Variants in SLC16A14 observed in about 807,000 individuals in gnomAD.
SLC16A14 encodes the protein monocarboxylate transporter 14.
Under a neutral mutation model 35.8 loss-of-function variants are expected in SLC16A14, and 14 were observed. The observed-to-expected ratio is 0.39, with a 90% CI of 0.26 to 0.61. The LOEUF is 0.61. Among genes scored for constraint, SLC16A14 ranks in the 20% least tolerant of loss-of-function variants. The pLI is 0.51. For missense variants in SLC16A14, 533 were observed against 655.0 expected (o/e 0.81, Z 2.03); for synonymous variants, 248 against 258.9 (o/e 0.96, Z 0.40).
chr2:230,050,053 T>G (rs2077646544), intron 2 of SLC16A14, 149 bp from the exon 3 acceptor site: 1 of 850,146 alleles, frequency 1.2e-6, no homozygotes, highest in South Asian at 2.0e-5. Flanking sequence ...CCAAACATTT[T>G]TAGCATGCAA....
intron 2 of SLC16A14, among the ~76,000 whole-genome samples, chr2:230,053,389 C>CT (rs1243838307): frequency 6.6e-6 from 1 of 152,174 alleles, no homozygotes; most frequent in African/African-American, 2.4e-5. Flanking sequence ...ATGACTCACA[C>CT]TTTTATAGAG....
rs1052140955 is a variant in SLC16A14 at position 230,038,250 on chromosome 2, C to T, written c.1382-719G>A. ...ATCTTATTAGACATTCTGTAAAATACCACTATATTTCATGAATTCTAAGAC... is the reference window on the plus strand; with the variant it reads ...ATCTTATTAGACATTCTGTAAAATATCACTATATTTCATGAATTCTAAGAC... On this transcript the variant is annotated intron_variant, in intron 4 of 4. Coordinates refer to ENST00000295190, the MANE Select transcript of SLC16A14 (RefSeq NM_152527.5). The surrounding 1 kb of genome is among the most constrained non-coding windows in gnomAD (Gnocchi z 4.4). Among the ~76,000 whole-genome samples, 3 of 152,110 alleles carry T rather than the reference C, an allele frequency of 2.0e-5. No homozygotes were observed. The highest frequency in any genetic ancestry group is 2.9e-5 in the Non-Finnish European group (2 of 68,018).
At chr2:230,065,976 G>A (rs1438754031) in intron 1 of SLC16A14, among the ~76,000 whole-genome samples, 1 of 152,100 alleles carries the variant, frequency 6.6e-6, no homozygotes, top group Non-Finnish European at 1.5e-5. Flanking sequence ...GTGGCACCCT[G>A]AGGCAGTGAA....
chr2:230,045,080 A>G (rs1055356667), intron 4 of SLC16A14, among the ~76,000 whole-genome samples: 3 of 152,126 alleles, frequency 2.0e-5, no homozygotes, highest in African/African-American at 7.2e-5. Context: ...TCTGGCAACA[A>G]TTCTCAGTAT....
At position 230,059,301 on chromosome 2, in the gene SLC16A14, CT is replaced by C; in HGVS notation, c.51del (p.Asp18ThrfsTer5). On this transcript the variant is annotated frameshift_variant, in exon 2 of 5. Coordinates refer to ENST00000295190, the MANE Select transcript of SLC16A14 (RefSeq NM_152527.5). LOFTEE classifies it high-confidence loss of function. ...DIGYDFEDGP[K>X]DKKTLKPHPN... The stretch of plus-strand genomic sequence containing the variant: ...GGGTGGGGCTTCAGTGTCTTTTTGT[CT>C]TTGGGGCCATCTTCAAAATCATACC... The C allele has an allele frequency of 6.2e-7, 1 of 1,611,826 alleles. No homozygotes were observed. Among genetic ancestry groups the C allele is most frequent in the Non-Finnish European group, 8.5e-7 (1 of 1,178,430 alleles).
At position 230,050,659 on chromosome 2, in the gene SLC16A14, T is replaced by C. The variant is rs563470999; in HGVS notation, c.260-755A>G. 5.3e-5 allele frequency among the ~76,000 whole-genome samples: 8 copies of C among 152,350 alleles called. No individual in the cohort carries two copies. In the East Asian group the frequency reaches 7.7e-4, roughly 15 times the overall value. On this transcript the variant is annotated intron_variant, in intron 2 of 4. Transcript: ENST00000295190. ...GATTTATATGGACGGTAGGTTATTA[T>C]GTTCACCTTCTCCTCCTATCAAAAG...
Position 230,045,679 on chromosome 2 carries a change from G to A in SLC16A14, c.1381+66C>T, listed in dbSNP as rs2077598866. ...AAATGGAAACCTTCTTCTTTATCTG[G>A]GACTTTATAACATAACGCACCATAT... On this transcript the variant is annotated intron_variant, in intron 4 of 4. Transcript: ENST00000295190. 3 of 1,555,654 alleles carry A rather than the reference G, an allele frequency of 1.9e-6. No homozygotes were observed. The African/African-American group carries it at 4.1e-5, about 21-fold the overall frequency.
intron 3 of SLC16A14, among the ~76,000 whole-genome samples, chr2:230,048,704 A>G (rs13402579): frequency 0.7 from 106,950 of 151,876 alleles, 38,185 homozygotes; most frequent in African/African-American, 0.83. Context: ...CAGGTGGATC[A>G]CCTGAGGTTG....
Position 230,045,643 on chromosome 2 carries a change from A to G in SLC16A14, c.1381+102T>C, listed in dbSNP as rs768680265. 5.3e-6 allele frequency: 7 copies of G among 1,330,482 alleles called. No individual in the cohort carries two copies. The Admixed American group carries it at 1.0e-4, about 19-fold the overall frequency. 82.4% of individuals were successfully genotyped at this position (1,330,482 alleles called of 1,614,324 possible). A position where few individuals can be genotyped will look rare whatever the true frequency, so the allele number is the denominator to read the frequency against. On this transcript the variant is annotated intron_variant, in intron 4 of 4. Coordinates refer to ENST00000295190, the MANE Select transcript of SLC16A14 (RefSeq NM_152527.5). ...AGGGCAGGAATGGGAAGATAAAAGG[A>G]AAATGTACACAAATGGAAACCTTCT...
rs1338893670 is a variant in SLC16A14, at chr2:230,045,943, T to A, written c.1183A>T (p.Ser395Cys). Residue 395 changes from serine (S) to cysteine (C), a missense_variant, in exon 4 of 5, where the codon AGT (serine) becomes TGT (cysteine). Ser to Cys is a moderately radical substitution (Grantham distance 112). Transcript: ENST00000295190. ...TGCATCAACGGCAGAATAAAAATAC[T>A]GAGGACAAGGGTGAAGTTGGCCAAC... Reference protein sequence around the residue: ...FLLANFTLVLSIFILPLMHTY... With the variant: ...FLLANFTLVLCIFILPLMHTY... The A allele has an allele frequency of 1.2e-6, 2 of 1,612,604 alleles. No individual in the cohort carries two copies. The highest frequency in any genetic ancestry group is 2.7e-5 in the African/African-American group (2 of 74,896).
At position 230,068,658 on chromosome 2, in the gene SLC16A14, T is replaced by C. The variant is rs1472237210; in HGVS notation, c.-118A>G. On this transcript the variant is annotated 5_prime_UTR_variant, in exon 1 of 5. Transcript: ENST00000295190. The surrounding 1 kb of genome is among the most constrained non-coding windows in gnomAD (Gnocchi z 5.1). ...CTGAGCTGCTGGGTGTAGAGATTTG[T>C]TGCAATGTCGCCTATCATCCTGGAG... 6.6e-6 allele frequency: 1 copy of C among 152,644 alleles called. No individual in the cohort carries two copies. The highest frequency in any genetic ancestry group is 1.9e-4 in the East Asian group (1 of 5,150). 9.5% of individuals were successfully genotyped at this position (152,644 alleles called of 1,614,324 possible). A position where few individuals can be genotyped will look rare whatever the true frequency, so the allele number is the denominator to read the frequency against.
At chr2:230,049,093 A>G (rs904447252) in intron 3 of SLC16A14, among the ~76,000 whole-genome samples, 34 of 132,254 alleles carry the variant, frequency 2.6e-4, no homozygotes, top group Admixed American at 2.1e-3. Context: ...TTATTGAGAC[A>G]GAGTCTTACT....
chr2:230,063,333 C>T (rs1431732437), intron 1 of SLC16A14, among the ~76,000 whole-genome samples: 5 of 147,882 alleles, frequency 3.4e-5, no homozygotes, highest in African/African-American at 1.2e-4. Flanking sequence ...TTCAGCCCTT[C>T]GAATTATCAT....
At chr2:230,065,253 T>TA (rs1019362551) in intron 1 of SLC16A14, among the ~76,000 whole-genome samples, 3 of 152,086 alleles carry the variant, frequency 2.0e-5, no homozygotes, top group Non-Finnish European at 2.9e-5. Flanking sequence ...TAGAATATAG[T>TA]AAAAAAGTTC....
intron 1 of SLC16A14, among the ~76,000 whole-genome samples, chr2:230,067,630 C>G (rs946369675): frequency 2.0e-5 from 3 of 151,510 alleles, no homozygotes; most frequent in African/African-American, 7.3e-5. Flanking sequence ...CCAGACAAGG[C>G]AAAGGAGAAT....
chr2:230,059,237 G>C lies in SLC16A14; in HGVS notation c.116C>G (p.Ser39Cys). ...GATGAGGATGTGCACAAAGAAAGAG[G>C]AGAGCACCATCATCCAAGCCCATCC... ...DGGWAWMMVL[S>C]SFFVHILIMG... The change falls in exon 2 of 5, where the codon TCC (serine) becomes TGC (cysteine). Residue 39 changes from serine to cysteine, a missense_variant. Coordinates refer to ENST00000295190, the MANE Select transcript of SLC16A14 (RefSeq NM_152527.5). 6.2e-7 allele frequency: 1 copy of C among 1,614,182 alleles called. No individual in the cohort carries two copies. The highest frequency in any genetic ancestry group is 8.5e-7 in the Non-Finnish European group (1 of 1,180,040).
intron 2 of SLC16A14, among the ~76,000 whole-genome samples, chr2:230,053,701 A>C (rs939626235): frequency 1.3e-5 from 2 of 152,122 alleles, no homozygotes; most frequent in African/African-American, 2.4e-5. Flanking sequence ...GAATCGCTTG[A>C]ACCTGGGCAG....
Position 230,046,491 on chromosome 2 carries a change from A to AGGG in SLC16A14, c.632_634dup (p.Pro211dup). The AGGG allele has an allele frequency of 6.2e-7, 1 of 1,614,126 alleles. No individual in the cohort carries two copies. Among genetic ancestry groups the AGGG allele is most frequent in the Non-Finnish European group, 8.5e-7 (1 of 1,180,014 alleles). On this transcript the variant is annotated inframe_insertion, in exon 4 of 5. Coordinates refer to ENST00000295190, the MANE Select transcript of SLC16A14 (RefSeq NM_152527.5). This position sits in a 1 kb window ranked among gnomAD's most constrained non-coding sequence, Gnocchi z 5.0. The stretch of plus-strand genomic sequence containing the variant: ...GTCGTTTGGGTTTTTACCAGGAGAG[A>AGGG]GGGGCCTCATGAGCGCCCCACAAAC...
At chr2:230,049,648 G>C (rs1488773897) in intron 3 of SLC16A14, 113 bp downstream of exon 3, 1 of 1,131,292 alleles carries the variant, frequency 8.8e-7, no homozygotes, top group East Asian at 2.6e-5. Context: ...GAAGTGGGGG[G>C]GAGGAAACAG....
Sources: allele counts gnomAD v4.1 joint callset (sites outside exome capture counted in the v4.1 genomes callset), GRCh38; gene constraint gnomAD v4.1.1; non-coding constraint Gnocchi (gnomAD v3.1); transcripts MANE v1.5; gene names NCBI Gene and HGNC (gene_info 2026-07-23, HGNC 2026-07-21).